ESPNL: variants seen among roughly 807,000 people sequenced by gnomAD.
ESPNL encodes the protein espin like, also known as espin-like protein.
ESPNL carries 49 observed loss-of-function variants against 46.8 expected under a neutral mutation model. The ratio of observed to expected loss-of-function variants is 1.05; its 90% CI spans 0.83 to 1.33. ESPNL has a LOEUF of 1.33. Ranked by LOEUF, ESPNL falls within the 40% of genes most tolerant of loss-of-function variation. The pLI is 0.00. For missense variants in ESPNL, 1,540 were observed against 1,436.6 expected (o/e 1.07, Z -1.16); for synonymous variants, 664 against 662.1 (o/e 1.00, Z -0.04).
chr2:238,130,741 C>CGG lies in ESPNL; in HGVS notation c.2031_2032dup (p.Ala678GlyfsTer8), dbSNP rs1553575162. The CGG allele has an allele frequency of 6.4e-7, 1 of 1,564,044 alleles. No homozygotes were observed. Among genetic ancestry groups the CGG allele is most frequent in the African/African-American group, 1.3e-5 (1 of 74,174 alleles). On this transcript the variant is annotated frameshift_variant, in exon 9 of 9. Transcript: ENST00000343063. LOFTEE classifies it low-confidence loss of function (END_TRUNC). ...GGCTTCAACCCTGGCCCCTGCGAGC[C>CGG]GGGGGCCCAGCACAGGCAGTGCCTG...
chr2:238,117,605 T>C (rs896618528), intron 5 of ESPNL, among the ~76,000 whole-genome samples: 1 of 152,232 alleles, frequency 6.6e-6, no homozygotes, highest in Admixed American at 6.5e-5. Context: ...CAGCCCTGGC[T>C]CTCGTCTCTC....
At chr2:238,113,032 C>A (rs1691744458) in intron 4 of ESPNL, among the ~76,000 whole-genome samples, 1 of 152,232 alleles carries the variant, frequency 6.6e-6, no homozygotes, top group South Asian at 2.1e-4. Context: ...TACTGGATTT[C>A]AAGTGGATCG....
chr2:238,123,061 C>T (rs1353026402), intron 5 of ESPNL, among the ~76,000 whole-genome samples: 4 of 152,228 alleles, frequency 2.6e-5, no homozygotes, highest in African/African-American at 9.6e-5. Context: ...CCCCGAGTCC[C>T]AGGTGGTGCG....
chr2:238,100,722 G>T lies in ESPNL; in HGVS notation c.294+9G>T. On this transcript the variant is annotated intron_variant, in intron 1 of 8. Transcript: ENST00000343063. ...GGGGCTGCGGTCTGCAGGTGAGCGGGGATGGGGCAGCCTGGCTCCACGAAG... is the reference window on the plus strand; with the variant it reads ...GGGGCTGCGGTCTGCAGGTGAGCGGTGATGGGGCAGCCTGGCTCCACGAAG... 1 of 1,410,694 alleles carries T rather than the reference G, an allele frequency of 7.1e-7. No homozygotes were observed. 87.4% of individuals were successfully genotyped at this position (1,410,694 alleles called of 1,614,324 possible).
Position 238,131,835 on chromosome 2 carries a change from G to T in ESPNL, c.*103G>T. 1 of 1,304,678 alleles carries T rather than the reference G, an allele frequency of 7.7e-7. No individual in the cohort carries two copies. Among genetic ancestry groups the T allele is most frequent in the African/African-American group, 1.5e-5 (1 of 67,668 alleles). 80.8% of individuals were successfully genotyped at this position (1,304,678 alleles called of 1,614,324 possible). On this transcript the variant is annotated 3_prime_UTR_variant, in exon 9 of 9. Coordinates refer to ENST00000343063, the MANE Select transcript of ESPNL (RefSeq NM_194312.4). ...CTTGGTGTTCAGGTGAGCCGGGCAA[G>T]GCTGCCTCCAGTCCTACCAGTTATC...
chr2:238,128,635 C>A, intron 7 of ESPNL, 72 bp from the exon 8 acceptor site: 3 of 1,466,366 alleles, frequency 2.0e-6, no homozygotes, highest in Non-Finnish European at 2.8e-6. Context: ...CCCCCCACGT[C>A]CTCTCGGATC....
At chr2:238,121,706 T>G (rs13025592) in intron 5 of ESPNL, among the ~76,000 whole-genome samples, 52,998 of 152,242 alleles carry the variant, frequency 0.35, 10,166 homozygotes, top group African/African-American at 0.5. Flanking sequence ...CCCAGAGCCT[T>G]GTTTTTTGGG....
chr2:238,109,922 G>A (rs900491887), intron 4 of ESPNL, among the ~76,000 whole-genome samples: 4 of 147,362 alleles, frequency 2.7e-5, no homozygotes, highest in Admixed American at 6.7e-5. Context: ...GATGCCACAC[G>A]TTACCGAGGG....
intron 8 of ESPNL, chr2:238,129,337 C>A: frequency 1.2e-6 from 1 of 849,534 alleles, no homozygotes; most frequent in Non-Finnish European, 1.4e-6. Context: ...GGGGACGTGG[C>A]CTTGAGCAGG....
chr2:238,128,654 A>T, intron 7 of ESPNL, 53 bp from the exon 8 acceptor site: 1 of 1,520,514 alleles, frequency 6.6e-7, no homozygotes, highest in East Asian at 2.5e-5. Context: ...TCTTCCCTCC[A>T]CTCAGGGCCT....
At chr2:238,109,686 G>A (rs769727884) in intron 4 of ESPNL, among the ~76,000 whole-genome samples, 12 of 152,220 alleles carry the variant, frequency 7.9e-5, no homozygotes, top group Non-Finnish European at 1.0e-4. Context: ...ACTTATGTTA[G>A]TACAGTACAT....
rs750963592 is a variant in ESPNL at position 238,130,555 on chromosome 2, T to C, written c.1841T>C (p.Val614Ala). ...CTGCTGAAGGGCGTGCATGGGCTAGTACAGGGGGATGAGAAGCCATCCACC... is the reference window on the plus strand; with the variant it reads ...CTGCTGAAGGGCGTGCATGGGCTAGCACAGGGGGATGAGAAGCCATCCACC... ...SLLLKGVHGLVQGDEKPSTRP... is the reference protein window; with the variant it reads ...SLLLKGVHGLAQGDEKPSTRP... Residue 614 changes from valine (V) to alanine (A), a missense_variant, in exon 9 of 9, where the codon GTA becomes GCA. Physicochemically the swap from Val to Ala is moderately conservative, Grantham distance 64. Transcript: ENST00000343063. The C allele has an allele frequency of 1.3e-6, 2 of 1,587,204 alleles. No homozygotes were observed. The highest frequency in any genetic ancestry group is 1.8e-5 in the Admixed American group (1 of 55,600).
Position 238,131,529 on chromosome 2 carries a change from C to G in ESPNL, c.2815C>G (p.Pro939Ala). 1 of 1,611,482 alleles carries G rather than the reference C, an allele frequency of 6.2e-7. No individual in the cohort carries two copies. The highest frequency in any genetic ancestry group is 8.5e-7 in the Non-Finnish European group (1 of 1,179,326). ...SSQRPAWDTE[P>A]GRKSGLTLLG... is the part of the protein sequence containing the mutation. ...CCAGCGTCCCGCCTGGGATACGGAG[C>G]CTGGCCGCAAGTCAGGTCTGACCCT... The change falls in exon 9 of 9, where the codon CCT becomes GCT. Residue 939 changes from proline to alanine, a missense_variant. Pro to Ala is a conservative substitution (Grantham distance 27). Transcript: ENST00000343063.
chr2:238,126,519 C>T (rs1206631201), intron 6 of ESPNL, among the ~76,000 whole-genome samples: 1 of 146,976 alleles, frequency 6.8e-6, no homozygotes, highest in East Asian at 2.1e-4. Context: ...GTGATTGTGT[C>T]TATGCATCTG....
intron 5 of ESPNL, among the ~76,000 whole-genome samples, chr2:238,123,942 G>A (rs1692042643): frequency 1.3e-5 from 2 of 152,312 alleles, no homozygotes; most frequent in African/African-American, 2.4e-5. Context: ...CTGGGAGGCA[G>A]CCTGTGCCAC....
At chr2:238,101,793 A>T (rs1247753502) in intron 1 of ESPNL, 148 bp from the exon 2 acceptor site, 3 of 619,806 alleles carry the variant, frequency 4.8e-6, no homozygotes, top group Non-Finnish European at 5.6e-6. Flanking sequence ...TCCATGTTGC[A>T]GGCAGAAACG....
At chr2:238,120,528 T>C (rs1042066343) in intron 5 of ESPNL, among the ~76,000 whole-genome samples, 1 of 152,254 alleles carries the variant, frequency 6.6e-6, no homozygotes, top group Non-Finnish European at 1.5e-5. Context: ...GGACGGGTCG[T>C]GTTAGGCTCG....
rs909517621 is a variant in ESPNL, at chr2:238,114,858, C to T, written c.856-2045C>T. 5.3e-5 allele frequency among the ~76,000 whole-genome samples: 8 copies of T among 152,238 alleles called. No homozygotes were observed. Among genetic ancestry groups the T allele is most frequent in the South Asian group, 2.1e-4 (1 of 4,836 alleles). ...GCTATGGGTGGCAGCTTTCGCACCACGACCAGGGTTGCATATTTGTGCCAG... is the reference window on the plus strand; with the variant it reads ...GCTATGGGTGGCAGCTTTCGCACCATGACCAGGGTTGCATATTTGTGCCAG... On this transcript the variant is annotated intron_variant, in intron 4 of 8. Transcript: ENST00000343063. This position sits in a 1 kb window ranked among gnomAD's most constrained non-coding sequence, Gnocchi z 5.0.
chr2:238,123,034 T>C (rs1375039002), intron 5 of ESPNL, among the ~76,000 whole-genome samples: 1 of 152,162 alleles, frequency 6.6e-6, no homozygotes, highest in Non-Finnish European at 1.5e-5. Flanking sequence ...ACATCATGCT[T>C]TGAGGCGTTC....
Sources: gnomAD v4.1 joint callset for allele counts (sites outside exome capture counted in the v4.1 genomes callset) on GRCh38, gnomAD v4.1.1 for gene constraint, Gnocchi (gnomAD v3.1) non-coding constraint, MANE v1.5 for transcripts, NCBI Gene and HGNC (gene_info 2026-07-23, HGNC 2026-07-21) for gene names.